SOX5: variants seen among roughly 807,000 people sequenced by gnomAD.
SOX5 encodes the protein SRY-box transcription factor 5.
A neutral mutation model predicts 92.0 loss-of-function variants in SOX5; 9 were observed. The ratio of observed to expected loss-of-function variants is 0.10; its 90% confidence interval spans 0.06 to 0.17. The LOEUF is 0.17. SOX5 is among the 10% of genes least tolerant of loss of function. The pLI, the probability that SOX5 is intolerant of heterozygous loss-of-function variation, is 1.00. For missense variants in SOX5, 642 were observed against 944.5 expected, an observed-to-expected ratio of 0.68 and a Z score of 4.20; for synonymous variants, 344 against 336.3, an observed-to-expected ratio of 1.02 and a Z score of -0.25.
intron 8 of SOX5, among the ~76,000 whole-genome samples, chr12:23,626,915 T>A (rs926860545): frequency 3.3e-5 from 5 of 152,084 alleles, no homozygotes; most frequent in African/African-American, 4.8e-5. Flanking sequence ...CAGTAGGATA[T>A]AAAGAACTCC....
At chr12:23,564,780 C>T (rs1260389440) in intron 10 of SOX5, among the ~76,000 whole-genome samples, 1 of 152,200 alleles carries the variant, frequency 6.6e-6, no homozygotes, top group Non-Finnish European at 1.5e-5. Context: ...GTACTAAGAG[C>T]CTTGTCTAAT....
chr12:24,169,351 T>C (rs1283341611), intron 4 of SOX5, among the ~76,000 whole-genome samples: 1 of 152,190 alleles, frequency 6.6e-6, no homozygotes, highest in Non-Finnish European at 1.5e-5. Context: ...AAATCATTAT[T>C]GTCAAAATCC....
chr12:24,450,761 G>A (rs1273668220), intron 1 of SOX5, among the ~76,000 whole-genome samples: 2 of 152,254 alleles, frequency 1.3e-5, no homozygotes, highest in East Asian at 3.9e-4. Context: ...AAAGTGTTGG[G>A]ATTACAGGCG....
chr12:24,029,759 A>G (rs934601776), intron 4 of SOX5, among the ~76,000 whole-genome samples: 1 of 151,982 alleles, frequency 6.6e-6, no homozygotes, highest in Non-Finnish European at 1.5e-5. Flanking sequence ...AGGAATTAGG[A>G]AAGAAGCCCT....
At chr12:23,705,152 A>G (rs1355970744) in intron 6 of SOX5, among the ~76,000 whole-genome samples, 2 of 151,960 alleles carry the variant, frequency 1.3e-5, no homozygotes, top group Non-Finnish European at 2.9e-5. Context: ...TTCAAATCTC[A>G]GCTGTGCTAA....
chr12:23,641,645 T>C (rs780297852), intron 7 of SOX5, among the ~76,000 whole-genome samples: 16 of 152,194 alleles, frequency 1.1e-4, no homozygotes, highest in Non-Finnish European at 2.1e-4. Flanking sequence ...GAGAAGGTTA[T>C]TCTGCTTATT....
At chr12:24,020,707 G>A (rs1234274273) in intron 4 of SOX5, among the ~76,000 whole-genome samples, 1 of 152,114 alleles carries the variant, frequency 6.6e-6, no homozygotes, top group African/African-American at 2.4e-5. Context: ...GCCAGACAAA[G>A]GTCAAATCAC....
chr12:23,764,382 T>C (rs2094647696), intron 3 of SOX5, among the ~76,000 whole-genome samples: 1 of 152,080 alleles, frequency 6.6e-6, no homozygotes, highest in Non-Finnish European at 1.5e-5. Context: ...AACTATAAGC[T>C]ATACATTATG....
At chr12:23,931,432 C>A (rs919609286) in intron 1 of SOX5, among the ~76,000 whole-genome samples, 1 of 151,650 alleles carries the variant, frequency 6.6e-6, no homozygotes, top group African/African-American at 2.4e-5. Flanking sequence ...GACTCTAGAG[C>A]CTGTGCTGTA....
chr12:24,172,096 T>C (rs4359290), intron 4 of SOX5, among the ~76,000 whole-genome samples: 55,637 of 126,498 alleles, frequency 0.44, 11,124 homozygotes, highest in African/African-American at 0.57. Context: ...TGTGTGTGCG[T>C]GCGCGCGTGT....
At chr12:24,402,098 G>A (rs2136652816) in intron 1 of SOX5, among the ~76,000 whole-genome samples, 1 of 152,182 alleles carries the variant, frequency 6.6e-6, no homozygotes, top group Non-Finnish European at 1.5e-5. Flanking sequence ...GTAAAATGAG[G>A]AGGTGCCATT....
intron 1 of SOX5, among the ~76,000 whole-genome samples, chr12:24,409,283 G>A (rs145086548): frequency 1.3e-5 from 2 of 152,064 alleles, no homozygotes; most frequent in African/African-American, 4.8e-5. Context: ...GTTGAACATT[G>A]AGAACACATG....
chr12:24,550,438 C>T (rs1442228624), intron 1 of SOX5, among the ~76,000 whole-genome samples: 1 of 152,110 alleles, frequency 6.6e-6, no homozygotes, highest in Non-Finnish European at 1.5e-5. Context: ...TCTCTGATGA[C>T]CCTTTTAGAG....
chr12:24,286,502 G>C (rs1945879227), intron 2 of SOX5, among the ~76,000 whole-genome samples: 1 of 152,166 alleles, frequency 6.6e-6, no homozygotes. Flanking sequence ...TAGATATATT[G>C]TCTCATGCTC....
At chr12:23,664,594 T>C (rs534870868) in intron 7 of SOX5, among the ~76,000 whole-genome samples, 1 of 152,276 alleles carries the variant, frequency 6.6e-6, no homozygotes, top group East Asian at 1.9e-4. Context: ...TTTCAAATGA[T>C]GTATTTTTTC....
intron 7 of SOX5, among the ~76,000 whole-genome samples, chr12:23,642,846 G>A (rs1343451123): frequency 6.8e-6 from 1 of 146,388 alleles, no homozygotes; most frequent in Non-Finnish European, 1.5e-5. Context: ...CCAGCACTTT[G>A]GGAGGCCGAG....
chr12:23,712,956 T>C (rs2092184300), intron 6 of SOX5, among the ~76,000 whole-genome samples: 1 of 152,212 alleles, frequency 6.6e-6, no homozygotes, highest in African/African-American at 2.4e-5. Context: ...GGTTGAACTG[T>C]GTTCCCCCAA....
intron 1 of SOX5, among the ~76,000 whole-genome samples, chr12:24,476,003 A>AAAT (rs1333271243): frequency 6.3e-4 from 91 of 145,118 alleles, no homozygotes; most frequent in African/African-American, 2.0e-3. Context: ...TAAAAAAAAA[A>AAAT]AAAAAAAAAA....
chr12:24,370,705 T>C (rs1282536230), intron 1 of SOX5, among the ~76,000 whole-genome samples: 1 of 152,012 alleles, frequency 6.6e-6, no homozygotes, highest in East Asian at 1.9e-4. Context: ...GGTGGGAGAA[T>C]CGTTTGAACT....
Sources: gnomAD v4.1 joint callset for allele counts (sites outside exome capture counted in the v4.1 genomes callset) on GRCh38, gnomAD v4.1.1 for gene constraint, MANE v1.5 for transcripts, NCBI Gene and HGNC (gene_info 2026-07-23, HGNC 2026-07-21) for gene names.